TGDS: variants seen among roughly 807,000 people sequenced by gnomAD.
TGDS encodes the protein UDP-D-glucose 4,6-dehydratase.
Under a neutral mutation model 52.3 loss-of-function variants are expected in TGDS, and 47 were observed. The observed-to-expected ratio is 0.90, with a 90% CI of 0.71 to 1.15. The LOEUF is 1.15. TGDS is among the 50% of genes most tolerant of loss of function. The pLI is 0.00. For missense variants in TGDS, 375 were observed against 418.4 expected (o/e 0.90, Z 0.90); for synonymous variants, 115 against 136.9 (o/e 0.84, Z 1.12).
At chr13:94,591,316 T>C (rs1260681506) in intron 3 of TGDS, among the ~76,000 whole-genome samples, 1 of 152,218 alleles carries the variant, frequency 6.6e-6, no homozygotes, top group Non-Finnish European at 1.5e-5. Context: ...CTGGGTGTGG[T>C]GGCTCACGCC....
In TGDS at chr13:94,590,861, G is replaced by A. The variant is rs775273838; in HGVS notation, c.305C>T (p.Thr102Ile). The A allele has an allele frequency of 7.7e-6, 12 of 1,568,584 alleles. No homozygotes were observed. The highest frequency in any genetic ancestry group is 1.0e-5 in the Non-Finnish European group (12 of 1,166,036). ...CATAAAACAATGCTTACCTACATGT[G>A]TTTGTGCGGCAAAATGTAGTACTAT... ...IDIVLHFAAQTHVDLSFVRAF... is the reference protein window; with the variant it reads ...IDIVLHFAAQIHVDLSFVRAF... Residue 102 changes from threonine to isoleucine, a missense_variant, in exon 4 of 12, where the codon ACA becomes ATA. By Grantham distance (89) the Thr-to-Ile change is moderately conservative. Transcript: ENST00000261296.
intron 1 of TGDS, among the ~76,000 whole-genome samples, chr13:94,594,648 C>G (rs1889314212): frequency 6.6e-6 from 1 of 152,170 alleles, no homozygotes; most frequent in South Asian, 2.1e-4. Context: ...TTTCACAGCA[C>G]TTTCTAAGTC....
chr13:94,584,275 C>G (rs968676849), intron 4 of TGDS, among the ~76,000 whole-genome samples: 1 of 152,142 alleles, frequency 6.6e-6, no homozygotes, highest in African/African-American at 2.4e-5. Context: ...AGATAGGGCT[C>G]TTAAGGAGGT....
chr13:94,578,702 T>C (rs1468005500), intron 8 of TGDS, 28 bp downstream of exon 8: 1 of 1,504,106 alleles, frequency 6.6e-7, no homozygotes, highest in African/African-American at 1.4e-5. Flanking sequence ...CAGAAAAGCA[T>C]ATGGGTAAAA....
chr13:94,594,870 G>A (rs1477854202), intron 1 of TGDS, among the ~76,000 whole-genome samples: 1 of 136,888 alleles, frequency 7.3e-6, no homozygotes, highest in Non-Finnish European at 1.6e-5. Context: ...GGGAGGATAG[G>A]AGAGTTTCCT....
At chr13:94,583,373 T>C (rs1476327597) in intron 4 of TGDS, 137 bp from the exon 5 acceptor site, 34 of 807,950 alleles carry the variant, frequency 4.2e-5, no homozygotes, top group Admixed American at 1.4e-4. Flanking sequence ...AATAATAACA[T>C]ACACAGGCAG....
intron 11 of TGDS, 30 bp downstream of exon 11, chr13:94,576,284 T>C: frequency 6.8e-7 from 1 of 1,475,266 alleles, no homozygotes; most frequent in Non-Finnish European, 9.2e-7. Flanking sequence ...TTTTCTGACT[T>C]GCCCCCAAAA....
intron 8 of TGDS, 69 bp from the exon 9 acceptor site, chr13:94,578,239 T>C: frequency 1.4e-6 from 2 of 1,418,090 alleles, no homozygotes; most frequent in Non-Finnish European, 2.0e-6. Context: ...ATTGACTGGG[T>C]ACTACAACTC....
At chr13:94,578,402 A>C (rs1329285321) in intron 8 of TGDS, among the ~76,000 whole-genome samples, 4 of 145,964 alleles carry the variant, frequency 2.7e-5, no homozygotes, top group African/African-American at 1.0e-4. Context: ...ATTCAATTTT[A>C]TGTCATAAGT....
intron 6 of TGDS, 120 bp from the exon 7 acceptor site, chr13:94,580,073 G>T: frequency 3.4e-6 from 2 of 582,798 alleles, no homozygotes; most frequent in South Asian, 2.8e-5. Context: ...ACACCTTAAG[G>T]TCAAAGGGAA....
At chr13:94,583,689 T>A (rs1888880600) in intron 4 of TGDS, among the ~76,000 whole-genome samples, 1 of 151,982 alleles carries the variant, frequency 6.6e-6, no homozygotes, top group African/African-American at 2.4e-5. Context: ...TAATGATGAA[T>A]CACAATCCAG....
chr13:94,582,951 T>C lies in TGDS; in HGVS notation c.456+143A>G, dbSNP rs138082199. ...CTTTATATATCTATTCTATTAGTTG[T>C]GTCCCTCTAGAGAACCCTAATACAC... On this transcript the variant is annotated intron_variant, in intron 5 of 11. Transcript: ENST00000261296. The C allele has an allele frequency of 1.5e-3, 1,090 of 727,660 alleles. 8 individuals carry two copies. The African/African-American group carries it at 0.017, about 11-fold the overall frequency. The allele number at this position is 727,660 out of a possible 1,614,324, so 45.1% of individuals were successfully genotyped here. A position where few individuals can be genotyped will look rare whatever the true frequency, so the allele number is the denominator to read the frequency against.
chr13:94,595,409 G>A (rs982338523), intron 1 of TGDS, among the ~76,000 whole-genome samples: 3 of 152,184 alleles, frequency 2.0e-5, no homozygotes, highest in African/African-American at 7.2e-5. Flanking sequence ...ACACTGACTT[G>A]TATGTGAGCA....
At chr13:94,583,724 A>C (rs1888882596) in intron 4 of TGDS, among the ~76,000 whole-genome samples, 1 of 152,150 alleles carries the variant, frequency 6.6e-6, no homozygotes, top group South Asian at 2.1e-4. Flanking sequence ...GAGGATGATA[A>C]ATTTGACCAT....
chr13:94,590,388 G>C (rs1889154286), intron 4 of TGDS, among the ~76,000 whole-genome samples: 2 of 151,756 alleles, frequency 1.3e-5, no homozygotes, highest in Non-Finnish European at 2.9e-5. Flanking sequence ...GCAACATTCT[G>C]TCTTTTGTTC....
At chr13:94,588,745 T>C (rs1272571817) in intron 4 of TGDS, among the ~76,000 whole-genome samples, 2 of 152,182 alleles carry the variant, frequency 1.3e-5, no homozygotes, top group African/African-American at 4.8e-5. Flanking sequence ...CACAACTGCT[T>C]TTATCATTAA....
chr13:94,596,254 A>C (rs962192106), upstream of TGDS: 1 of 1,170,948 alleles, frequency 8.5e-7, no homozygotes, highest in Non-Finnish European at 1.2e-6. Flanking sequence ...GAGCAGCCAG[A>C]GGCAGCTTCC....
intron 7 of TGDS, 39 bp downstream of exon 7, chr13:94,579,855 A>G (rs1157558547): frequency 6.0e-6 from 7 of 1,173,310 alleles, no homozygotes; most frequent in Non-Finnish European, 6.3e-6. Flanking sequence ...AGAAGTTACA[A>G]TCACTGAAAA....
intron 4 of TGDS, among the ~76,000 whole-genome samples, chr13:94,584,051 T>C (rs1888894237): frequency 6.6e-6 from 1 of 152,200 alleles, no homozygotes; most frequent in South Asian, 2.1e-4. Context: ...AATCACTTAG[T>C]TGTTGAGGCT....
Sources: gnomAD v4.1 joint callset for allele counts (sites outside exome capture counted in the v4.1 genomes callset) on GRCh38, gnomAD v4.1.1 for gene constraint, MANE v1.5 for transcripts, NCBI Gene and HGNC (gene_info 2026-07-23, HGNC 2026-07-21) for gene names.